PTPRN2: variants seen among roughly 807,000 people sequenced by gnomAD.
PTPRN2 encodes receptor-type tyrosine-protein phosphatase N2.
A neutral mutation model predicts 118.8 loss-of-function variants in PTPRN2; 74 were observed. The observed-to-expected ratio is 0.62, with a 90% CI of 0.52 to 0.76. The LOEUF is 0.76. Ranked by LOEUF, PTPRN2 falls within the 30% of genes least tolerant of loss-of-function variation. PTPRN2 has a pLI of 0.00. For synonymous variants in PTPRN2, 641 were observed against 608.0 expected (o/e 1.05, Z -0.80); for missense variants, 1,481 against 1,394.4 (o/e 1.06, Z -0.99).
chr7:158,380,173 A>T (rs1018622572), intron 2 of PTPRN2, among the ~76,000 whole-genome samples: 2 of 152,146 alleles, frequency 1.3e-5, no homozygotes, highest in African/African-American at 4.8e-5. Context: ...TCACATTTTA[A>T]AACCAATCAT....
intron 3 of PTPRN2, among the ~76,000 whole-genome samples, chr7:158,253,702 G>A (rs1796836776): frequency 1.3e-5 from 2 of 152,214 alleles, no homozygotes; most frequent in Admixed American, 1.3e-4. Flanking sequence ...ATAACAAGGT[G>A]TCCAGTGCTT....
At chr7:158,017,049 A>C (rs1026580985) in intron 11 of PTPRN2, among the ~76,000 whole-genome samples, 4 of 152,232 alleles carry the variant, frequency 2.6e-5, no homozygotes, top group Non-Finnish European at 5.9e-5. Flanking sequence ...CTATGTGGGA[A>C]GCAATATAAA....
chr7:158,402,603 G>A (rs1281233884), intron 2 of PTPRN2, among the ~76,000 whole-genome samples: 1 of 152,196 alleles, frequency 6.6e-6, no homozygotes, highest in Non-Finnish European at 1.5e-5. Flanking sequence ...CCAAAATGCA[G>A]AGTCATCGAT....
chr7:158,388,687 C>T (rs1398330848), intron 2 of PTPRN2, among the ~76,000 whole-genome samples: 2 of 152,262 alleles, frequency 1.3e-5, no homozygotes, highest in Non-Finnish European at 2.9e-5. Context: ...GTGATTAACC[C>T]CCCAAGAGTT....
intron 1 of PTPRN2, among the ~76,000 whole-genome samples, chr7:158,510,586 C>T (rs535622449): frequency 4.2e-4 from 64 of 152,288 alleles, no homozygotes; most frequent in African/African-American, 1.5e-3. Context: ...TGAACTCCCT[C>T]TTCTATTCCT....
At position 157,964,285 on chromosome 7, in the gene PTPRN2, C is replaced by T. The variant is rs35668901; in HGVS notation, c.1724-65548G>A. Among the ~76,000 whole-genome samples the T allele has an allele frequency of 7.9e-3, 1,205 of 152,258 alleles. 9 individuals carry two copies. Among genetic ancestry groups the T allele is most frequent in the Non-Finnish European group, 0.012 (843 of 68,020 alleles). ...GCCAGACTGGGGTCCGCCCCACACG[C>T]ACAGAGGATCACTGGGGGCGATGTA... is the stretch of plus-strand genomic sequence containing the variant. On this transcript the variant is annotated intron_variant, in intron 11 of 22. Transcript: ENST00000389418. This position sits in a 1 kb window ranked among gnomAD's most constrained non-coding sequence, Gnocchi z 9.0.
intron 21 of PTPRN2, among the ~76,000 whole-genome samples, chr7:157,561,918 C>T (rs1320513244): frequency 6.6e-6 from 1 of 152,234 alleles, no homozygotes; most frequent in Non-Finnish European, 1.5e-5. Flanking sequence ...ATCCAGCATG[C>T]AGTGGACGCT....
intron 12 of PTPRN2, among the ~76,000 whole-genome samples, chr7:157,837,453 G>C (rs1035410587): frequency 6.6e-6 from 1 of 151,446 alleles, no homozygotes; most frequent in Non-Finnish European, 1.5e-5. Context: ...GGTGGTGGAG[G>C]GGGGAGGCTG....
intron 11 of PTPRN2, among the ~76,000 whole-genome samples, chr7:158,042,635 C>T (rs988766598): frequency 6.6e-6 from 1 of 152,160 alleles, no homozygotes; most frequent in African/African-American, 2.4e-5. Context: ...CTGCAAGCTT[C>T]GGGAGGGCAG....
In PTPRN2 at chr7:158,509,204, C is replaced by T. The variant is rs1258413665; in HGVS notation, c.113-19419G>A. 6.6e-6 allele frequency among the ~76,000 whole-genome samples: 1 copy of T among 152,158 alleles called. No individual in the cohort carries two copies. The highest frequency in any genetic ancestry group is 1.9e-4 in the East Asian group (1 of 5,186). On this transcript the variant is annotated intron_variant, in intron 1 of 22. Transcript: ENST00000389418. This position sits in a 1 kb window ranked among gnomAD's most constrained non-coding sequence, Gnocchi z 4.4. ...CCACCCAGCAGGCGGGACCAGTGGA[C>T]AGGCTGCAGCTCACAGGGTCCTTGC...
intron 1 of PTPRN2, among the ~76,000 whole-genome samples, chr7:158,515,085 T>A (rs890324153): frequency 1.3e-5 from 2 of 152,152 alleles, no homozygotes; most frequent in African/African-American, 4.8e-5. Context: ...CAGAACAAGG[T>A]TGCACTATGG....
intron 9 of PTPRN2, among the ~76,000 whole-genome samples, chr7:158,116,668 T>C (rs10256104): frequency 0.3 from 45,231 of 152,212 alleles, 7,673 homozygotes; most frequent in Middle Eastern, 0.44. Context: ...CACCTCCTCA[T>C]TGTTGTTGCT....
At chr7:158,315,085 G>A (rs112503467) in intron 3 of PTPRN2, among the ~76,000 whole-genome samples, 1 of 52,684 alleles carries the variant, frequency 1.9e-5, no homozygotes, top group Non-Finnish European at 3.6e-5. Context: ...AGGTGAACCC[G>A]GGACCCCCTA....
intron 12 of PTPRN2, among the ~76,000 whole-genome samples, chr7:157,768,504 C>G (rs2151021061): frequency 6.6e-6 from 1 of 152,304 alleles, no homozygotes; most frequent in East Asian, 1.9e-4. Flanking sequence ...CACGCGGCCG[C>G]AACACTTGTC....
chr7:157,864,838 G>C (rs1484659971), intron 12 of PTPRN2: 1 of 152,250 alleles, frequency 6.6e-6, no homozygotes, highest in East Asian at 1.9e-4. Flanking sequence ...TGTTCTGGCA[G>C]GTGACAGCCC....
At position 157,831,984 on chromosome 7, in the gene PTPRN2, C is replaced by T. The variant is rs768420042; in HGVS notation, c.1788+66689G>A. Among the ~76,000 whole-genome samples the T allele has an allele frequency of 2.9e-4, 44 of 152,336 alleles. No homozygotes were observed. The highest frequency in any genetic ancestry group is 3.1e-4 in the Non-Finnish European group (21 of 68,040). ...GTTGCTTCGTCTGCATGAGGAGTGACGGCTGGGCTGCTGATGGCCCTGAGG... is the reference window on the plus strand; with the variant it reads ...GTTGCTTCGTCTGCATGAGGAGTGATGGCTGGGCTGCTGATGGCCCTGAGG... On this transcript the variant is annotated intron_variant, in intron 12 of 22. Transcript: ENST00000389418. This position sits in a 1 kb window ranked among gnomAD's most constrained non-coding sequence, Gnocchi z 4.8.
intron 16 of PTPRN2, among the ~76,000 whole-genome samples, chr7:157,602,872 G>A (rs776519207): frequency 1.3e-5 from 2 of 152,236 alleles, no homozygotes; most frequent in Non-Finnish European, 2.9e-5. Flanking sequence ...CGTAGGGTGC[G>A]ATTTGTGCCT....
chr7:157,628,542 C>T (rs569728588), intron 14 of PTPRN2, among the ~76,000 whole-genome samples: 3 of 152,340 alleles, frequency 2.0e-5, no homozygotes, highest in African/African-American at 7.2e-5. Context: ...CGGTGTGGGT[C>T]CCTCCCACAG....
At position 157,869,895 on chromosome 7, in the gene PTPRN2, C is replaced by T. The variant is rs1024386200; in HGVS notation, c.1788+28778G>A. Among the ~76,000 whole-genome samples the T allele has an allele frequency of 6.6e-6, 1 of 152,120 alleles. No individual in the cohort carries two copies. Among genetic ancestry groups the T allele is most frequent in the Non-Finnish European group, 1.5e-5 (1 of 68,016 alleles). ...CTCCAGAAAGTCAACATGCAAAATG[C>T]CTTGAGCATCCCAACATCTACTGCC... On this transcript the variant is annotated intron_variant, in intron 12 of 22. Transcript: ENST00000389418. The surrounding 1 kb of genome is among the most constrained non-coding windows in gnomAD (Gnocchi z 4.2).
Sources: gnomAD v4.1 joint callset for allele counts (sites outside exome capture counted in the v4.1 genomes callset) on GRCh38, gnomAD v4.1.1 for gene constraint, Gnocchi (gnomAD v3.1) non-coding constraint, MANE v1.5 for transcripts, NCBI Gene and HGNC (gene_info 2026-07-23, HGNC 2026-07-21) for gene names.